Variants in WNK2 observed in about 807,000 individuals in gnomAD.
The protein encoded by WNK2 is serine/threonine-protein kinase WNK2.
Under a neutral mutation model 192.1 loss-of-function variants are expected in WNK2, and 67 were observed. The observed-to-expected ratio is 0.35, with a 90% CI of 0.29 to 0.43. The LOEUF (loss-of-function observed/expected upper bound fraction) is 0.43, where lower values mean the gene tolerates loss of function less well. Ranked by LOEUF, WNK2 falls within the 20% of genes least tolerant of loss-of-function variation. WNK2 has a pLI of 1.00. For missense variants in WNK2, 2,698 were observed against 3,089.7 expected, an observed-to-expected ratio of 0.87 and a Z score of 3.01; for synonymous variants, 1,439 against 1,393.9, an observed-to-expected ratio of 1.03 and a Z score of -0.72.
rs750204095 is a variant in WNK2 at position 93,289,353 on chromosome 9, G to A, written c.4599G>A (p.Ser1533=). 1.6e-5 allele frequency: 26 copies of A among 1,610,324 alleles called. No individual in the cohort carries two copies. The highest frequency in any genetic ancestry group is 6.7e-5 in the African/African-American group (5 of 74,998). ...VPPQPPSALE[S]DGEGPPPRVG... ...CACAGCCACCCTCGGCCCTGGAGTC[G>A]GATGGGGAAGGGCCGCCCCCCAGGG... Residue 1533 remains serine (S), a synonymous_variant, in exon 20 of 30, where the codon TCG becomes TCA. Transcript: ENST00000427277.
Position 93,257,340 on chromosome 9 carries a change from T to A in WNK2, c.2382+201T>A, listed in dbSNP as rs369247630. 1.3e-5 allele frequency among the ~76,000 whole-genome samples: 2 copies of A among 151,874 alleles called. No individual in the cohort carries two copies. Among genetic ancestry groups the A allele is most frequent in the African/African-American group, 4.8e-5 (2 of 41,320 alleles). On this transcript the variant is annotated intron_variant, in intron 11 of 29. Transcript: ENST00000427277. The surrounding 1 kb of genome is among the most constrained non-coding windows in gnomAD (Gnocchi z 4.7). ...CATATGCACCAGGAACGCTCCAGGG[T>A]CCCACACAACCAGCCACTTGTCCCT...
chr9:93,199,813 G>A (rs11791390), intron 2 of WNK2, among the ~76,000 whole-genome samples: 28,661 of 151,172 alleles, frequency 0.19, 3,023 homozygotes, highest in African/African-American at 0.29. Flanking sequence ...GCAGGAGAAT[G>A]GCGTGAACCT....
chr9:93,251,602 C>T (rs745788618), intron 8 of WNK2, among the ~76,000 whole-genome samples: 39 of 152,088 alleles, frequency 2.6e-4, no homozygotes, highest in Non-Finnish European at 4.3e-4. Context: ...TCTAGCTACT[C>T]AGGAGGCTGA....
chr9:93,233,378 C>A (rs146609818), intron 4 of WNK2, among the ~76,000 whole-genome samples: 1 of 152,052 alleles, frequency 6.6e-6, no homozygotes, highest in Non-Finnish European at 1.5e-5. Flanking sequence ...ATTCTTGTCC[C>A]AATTTTTATC....
chr9:93,279,863 AG>A (rs2133549239), intron 19 of WNK2, among the ~76,000 whole-genome samples: 1 of 152,312 alleles, frequency 6.6e-6, no homozygotes, highest in East Asian at 1.9e-4. Flanking sequence ...CACACAAAAA[AG>A]GATGTTTATT....
chr9:93,198,463 C>T (rs1159645740), intron 2 of WNK2, among the ~76,000 whole-genome samples: 6 of 152,286 alleles, frequency 3.9e-5, no homozygotes, highest in African/African-American at 9.6e-5. Flanking sequence ...CCCGGTAGGG[C>T]GTAGGGGCAG....
chr9:93,221,694 T>G (rs1401050335), intron 2 of WNK2, among the ~76,000 whole-genome samples: 1 of 152,182 alleles, frequency 6.6e-6, no homozygotes, highest in African/African-American at 2.4e-5. Flanking sequence ...CTTAGAGTCT[T>G]ACGTTCGCAG....
chr9:93,265,482 G>A (rs1845008916), intron 16 of WNK2, among the ~76,000 whole-genome samples: 1 of 152,224 alleles, frequency 6.6e-6, no homozygotes, highest in South Asian at 2.1e-4. Flanking sequence ...AGGGTCAGAG[G>A]CGTGAGCTGC....
chr9:93,236,785 CAAG>C (rs1288429384), intron 5 of WNK2, among the ~76,000 whole-genome samples: 1 of 152,240 alleles, frequency 6.6e-6, no homozygotes, highest in Non-Finnish European at 1.5e-5. Flanking sequence ...CCTGCACCCT[CAAG>C]GAGGAGGTGT....
chr9:93,239,463 T>C lies in WNK2; in HGVS notation c.1323-294T>C, dbSNP rs767383220. ...CACATCCACAGGGGCTGTATTTGCA[T>C]AATGGGAGGCCTAATGTTTTTCCAA... is the stretch of plus-strand genomic sequence containing the variant. On this transcript the variant is annotated intron_variant, in intron 6 of 29. Transcript: ENST00000427277. This position sits in a 1 kb window ranked among gnomAD's most constrained non-coding sequence, Gnocchi z 4.2. 6.6e-6 allele frequency among the ~76,000 whole-genome samples: 1 copy of C among 152,170 alleles called. No individual in the cohort carries two copies. Among genetic ancestry groups the C allele is most frequent in the Non-Finnish European group, 1.5e-5 (1 of 68,036 alleles).
chr9:93,308,344 C>T lies in WNK2; in HGVS notation c.6276C>T (p.Ser2092=), dbSNP rs1852992355. The part of the protein sequence containing the change: ...KEHSSRSSTS[S]LAPGPEPGPQ... ...ACTCCCCAGGGTCCTCCACCAGCAGCCTGGCCCCAGGCCCTGAGCCAGGCC... is the reference window on the plus strand; with the variant it reads ...ACTCCCCAGGGTCCTCCACCAGCAGTCTGGCCCCAGGCCCTGAGCCAGGCC... Residue 2092 remains serine, a synonymous_variant, in exon 28 of 30, where the codon AGC becomes AGT. Coordinates refer to ENST00000427277, the MANE Select transcript of WNK2 (RefSeq NM_006648.4). 6.4e-7 allele frequency: 1 copy of T among 1,555,004 alleles called. No homozygotes were observed. The highest frequency in any genetic ancestry group is 8.7e-7 in the Non-Finnish European group (1 of 1,149,432).
At position 93,297,854 on chromosome 9, in the gene WNK2, C is replaced by T; in HGVS notation, c.5710C>T (p.His1904Tyr). Residue 1904 changes from histidine (H) to tyrosine (Y), a missense_variant and splice_region_variant, in exon 24 of 30, where the codon CAC (histidine) becomes TAC (tyrosine). By Grantham distance (83) the His-to-Tyr change is moderately conservative. This residue lies in a region of WNK2 where 1,098 missense variants were observed against 1,101.0 expected (regional missense o/e 1.00). Transcript: ENST00000427277. ...GCTCCCTCCTGTCCCCTCCTGCAGG[C>T]ACCTGAAGGAGATCTCGGAGCTGCA... ...KKELQSLREK[H>Y]LKEISELQSQ... is the part of the protein sequence containing the mutation. 1.3e-6 allele frequency: 2 copies of T among 1,577,132 alleles called. No individual in the cohort carries two copies. The highest frequency in any genetic ancestry group is 1.7e-6 in the Non-Finnish European group (2 of 1,162,872).
chr9:93,249,180 C>T (rs952349289), intron 8 of WNK2, among the ~76,000 whole-genome samples: 9 of 152,196 alleles, frequency 5.9e-5, no homozygotes, highest in African/African-American at 1.9e-4. Context: ...CACAGCACTA[C>T]GCACTTTTAA....
chr9:93,286,204 A>G (rs1182574199), intron 19 of WNK2, among the ~76,000 whole-genome samples: 2 of 152,228 alleles, frequency 1.3e-5, no homozygotes, highest in African/African-American at 4.8e-5. Flanking sequence ...TTGTTTATCA[A>G]AAGACACCAC....
In WNK2 at chr9:93,213,721, A is replaced by G. The variant is rs149906566; in HGVS notation, c.682-15975A>G. ...GGAGAATCGCTTGAACCCAGGAGGC[A>G]GAGGTTGCAGTAAGCCGAGATCACA... On this transcript the variant is annotated intron_variant, in intron 2 of 29. Transcript: ENST00000427277. 5.1e-3 allele frequency among the ~76,000 whole-genome samples: 772 copies of G among 152,134 alleles called. 7 individuals carry two copies. The highest frequency in any genetic ancestry group is 0.017 in the African/African-American group (710 of 41,486).
At chr9:93,262,507 C>T (rs892756543) in intron 13 of WNK2, among the ~76,000 whole-genome samples, 163 bp from the exon 14 acceptor site, 2 of 151,202 alleles carry the variant, frequency 1.3e-5, no homozygotes, top group African/African-American at 4.9e-5. Flanking sequence ...CATTGTGACG[C>T]CCCCTGGGTC....
chr9:93,299,826 C>T (rs946112585), intron 25 of WNK2, among the ~76,000 whole-genome samples: 5 of 149,106 alleles, frequency 3.4e-5, no homozygotes, highest in Admixed American at 1.3e-4. Context: ...CGCCCCGCCC[C>T]GCCCACCCCA....
chr9:93,263,414 G>T (rs1350130017), intron 14 of WNK2, 152 bp from the exon 15 acceptor site: 12 of 902,002 alleles, frequency 1.3e-5, no homozygotes, highest in East Asian at 5.5e-5. Flanking sequence ...CCAGAAGCAG[G>T]CTTGGGGTAT....
Position 93,247,795 on chromosome 9 carries a change from CT to C in WNK2, c.1796del (p.Leu599ArgfsTer37). The C allele has an allele frequency of 6.5e-7, 1 of 1,545,368 alleles. No homozygotes were observed. The highest frequency in any genetic ancestry group is 1.2e-5 in the South Asian group (1 of 84,086). ...GGAGCCGGAGGCCGACCAGCACCTC[CT>C]GCCACCTACGTTGCCGACCAGCGCC... Reference protein sequence around the residue: ...PEEPEADQHLLPPTLPTSATS... With the variant: ...PEEPEADQHLXPPTLPTSATS... On this transcript the variant is annotated frameshift_variant, in exon 8 of 30. Transcript: ENST00000427277. LOFTEE classifies it high-confidence loss of function. The surrounding 1 kb of genome is among the most constrained non-coding windows in gnomAD (Gnocchi z 5.2).
Sources: allele counts gnomAD v4.1 joint callset (sites outside exome capture counted in the v4.1 genomes callset), GRCh38; gene constraint gnomAD v4.1.1; regional missense constraint gnomAD v4.1.1; non-coding constraint Gnocchi (gnomAD v3.1); transcripts MANE v1.5; gene names NCBI Gene and HGNC (gene_info 2026-07-23, HGNC 2026-07-21).